HPS6: variants seen among roughly 807,000 people sequenced by gnomAD.
HPS6 encodes the protein BLOC-2 complex member HPS6.
HPS6 carries 46 observed loss-of-function variants against 53.6 expected under a neutral mutation model. The observed-to-expected ratio is 0.86, with a 90% CI of 0.68 to 1.10. The LOEUF (loss-of-function observed/expected upper bound fraction) is 1.10, where lower values mean the gene tolerates loss of function less well. HPS6 is among the 50% of genes least tolerant of loss of function. The pLI, the probability that HPS6 is intolerant of heterozygous loss-of-function variation, is 0.00. For missense variants in HPS6, 1,034 were observed against 991.3 expected (o/e 1.04, Z -0.58); for synonymous variants, 535 against 470.8 (o/e 1.14, Z -1.77).
Position 102,067,863 on chromosome 10 carries a change from T to G in HPS6, c.*61T>G. The G allele has an allele frequency of 6.4e-7, 1 of 1,559,364 alleles. No individual in the cohort carries two copies. The highest frequency in any genetic ancestry group is 8.8e-7 in the Non-Finnish European group (1 of 1,131,176). On this transcript the variant is annotated 3_prime_UTR_variant, in exon 1 of 1. Coordinates refer to ENST00000299238, the MANE Select transcript of HPS6 (RefSeq NM_024747.6). The stretch of plus-strand genomic sequence containing the variant: ...GGCTTGCTTGGGACTGGAGGCTTGC[T>G]TGGACAGTTCCTCTGTGTCACTGAC...
rs977062776 is a variant in HPS6, at chr10:102,065,506, C to G, written c.32C>G (p.Ser11Trp). The G allele has an allele frequency of 3.9e-6, 6 of 1,556,802 alleles. No homozygotes were observed. Among genetic ancestry groups the G allele is most frequent in the African/African-American group, 1.4e-5 (1 of 71,060 alleles). Reference sequence around the variant, plus strand: ...CGCTCGGGGACTCTGCGGCTGCTCTCGGACCTGAGCGCCTTCGGCGGCGCG... The same window carrying G: ...CGCTCGGGGACTCTGCGGCTGCTCTGGGACCTGAGCGCCTTCGGCGGCGCG... MKRSGTLRLLSDLSAFGGAAR... is the reference protein window; with the variant it reads MKRSGTLRLLWDLSAFGGAAR... Residue 11 changes from serine (S) to tryptophan (W), a missense_variant, in exon 1 of 1, where the codon TCG becomes TGG. Coordinates refer to ENST00000299238, the MANE Select transcript of HPS6 (RefSeq NM_024747.6).
rs2067975720 is a variant in HPS6, at chr10:102,066,941, A to G, written c.1467A>G (p.Glu489=). The change falls in exon 1 of 1, where the codon GAA becomes GAG. Residue 489 remains glutamate (E), a synonymous_variant. Coordinates refer to ENST00000299238, the MANE Select transcript of HPS6 (RefSeq NM_024747.6). ...GTTGGACTGAGCTGGCGGAGCAGGA[A>G]GTGGCACGCCTGCTGAGGACTGAGT... is the stretch of plus-strand genomic sequence containing the variant. ...EAGWTELAEQ[E]VARLLRTELI... is the part of the protein sequence containing the mutation. The G allele has an allele frequency of 6.2e-7, 1 of 1,614,170 alleles. No individual in the cohort carries two copies. The highest frequency in any genetic ancestry group is 8.5e-7 in the Non-Finnish European group (1 of 1,180,022).
rs543325519 is a variant in HPS6, at chr10:102,067,619, G to C, written c.2145G>C (p.Glu715Asp). The C allele has an allele frequency of 9.2e-5, 148 of 1,613,930 alleles. 2 individuals carry two copies. In the South Asian group the frequency reaches 1.5e-3, roughly 17 times the overall value. Residue 715 changes from glutamate to aspartate, a missense_variant, in exon 1 of 1, where the codon GAG becomes GAC. Coordinates refer to ENST00000299238, the MANE Select transcript of HPS6 (RefSeq NM_024747.6). ...TACTGAGGACATACCTCCCAGATGA[G>C]GTGGGGCCCCCAACCCCATTCCCTG... ...LLLLRTYLPD[E>D]VGPPTPFPEP...
Position 102,066,665 on chromosome 10 carries a change from T to C in HPS6, c.1191T>C (p.Pro397=). The C allele has an allele frequency of 6.2e-7, 1 of 1,613,912 alleles. No individual in the cohort carries two copies. The highest frequency in any genetic ancestry group is 8.5e-7 in the Non-Finnish European group (1 of 1,180,030). ...GWEAPQGVEL[P]SAKDLVFEEA... ...AAGCCCCACAGGGTGTTGAGTTGCC[T>C]TCAGCCAAGGATCTGGTGTTTGAGG... is the stretch of plus-strand genomic sequence containing the variant. The change falls in exon 1 of 1, where the codon CCT becomes CCC. Residue 397 remains proline (P), a synonymous_variant. Coordinates refer to ENST00000299238, the MANE Select transcript of HPS6 (RefSeq NM_024747.6).
chr10:102,065,660 GCCC>G lies in HPS6; in HGVS notation c.187_189del (p.Pro63del). On this transcript the variant is annotated inframe_deletion, in exon 1 of 1. Coordinates refer to ENST00000299238, the MANE Select transcript of HPS6 (RefSeq NM_024747.6). ...CACAGCTGCTAGTCGCGTCGCGAGG[GCCC>G]GGCGCGGAGCTAGAGCGGGCCTGGC... 1 of 1,536,458 alleles carries G rather than the reference GCCC, an allele frequency of 6.5e-7. No individual in the cohort carries two copies. The highest frequency in any genetic ancestry group is 8.7e-7 in the Non-Finnish European group (1 of 1,152,432).
Position 102,066,240 on chromosome 10 carries a change from C to G in HPS6, c.766C>G (p.Arg256Gly), listed in dbSNP as rs2067969080. The G allele has an allele frequency of 1.9e-6, 3 of 1,613,918 alleles. No homozygotes were observed. Among genetic ancestry groups the G allele is most frequent in the Non-Finnish European group, 2.5e-6 (3 of 1,180,026 alleles). The change falls in exon 1 of 1, where the codon CGA (arginine) becomes GGA (glycine). Residue 256 changes from arginine to glycine, a missense_variant. Transcript: ENST00000299238. ...CACATGGGACTTCCGGACCCTGCTCCGAGGCCTTCCTGGGTTGCTGTCCCC... is the reference window on the plus strand; with the variant it reads ...CACATGGGACTTCCGGACCCTGCTCGGAGGCCTTCCTGGGTTGCTGTCCCC... ...GDTWDFRTLL[R>G]GLPGLLSPRE...
chr10:102,066,616 T>G lies in HPS6; in HGVS notation c.1142T>G (p.Leu381Trp). 6.2e-7 allele frequency: 1 copy of G among 1,613,968 alleles called. No individual in the cohort carries two copies. The highest frequency in any genetic ancestry group is 1.7e-5 in the Admixed American group (1 of 60,032). ...TRGNLRLLSA[L>W]GLFCVGWEAP... ...GGGAATCTTCGTCTGCTTTCAGCCT[T>G]GGGTCTGTTTTGTGTGGGCTGGGAA... The change falls in exon 1 of 1, where the codon TTG becomes TGG. Residue 381 changes from leucine (L) to tryptophan (W), a missense_variant. Physicochemically the swap from Leu to Trp is moderately conservative, Grantham distance 61 (BLOSUM62 -2). Transcript: ENST00000299238.
chr10:102,065,368 G>A lies in HPS6; in HGVS notation c.-107G>A, dbSNP rs1395752264. The A allele has an allele frequency of 1.7e-6, 2 of 1,197,892 alleles. No homozygotes were observed. Among genetic ancestry groups the A allele is most frequent in the Non-Finnish European group, 2.2e-6 (2 of 888,990 alleles). The allele number at this position is 1,197,892 out of a possible 1,614,324, so 74.2% of individuals were successfully genotyped here. ...CCCGGCCTCTGCTCACCTCATCCAC[G>A]GGAGACGGAAGTCTTGGCCCTGCTC... On this transcript the variant is annotated 5_prime_UTR_variant, in exon 1 of 1. Transcript: ENST00000299238.
chr10:102,066,492 G>A lies in HPS6; in HGVS notation c.1018G>A (p.Gly340Arg), dbSNP rs1172827931. The A allele has an allele frequency of 6.2e-7, 1 of 1,614,230 alleles. No individual in the cohort carries two copies. Among genetic ancestry groups the A allele is most frequent in the Non-Finnish European group, 8.5e-7 (1 of 1,180,036 alleles). Residue 340 changes from glycine to arginine, a missense_variant, in exon 1 of 1, where the codon GGG (glycine) becomes AGG (arginine). Gly to Arg is a moderately radical substitution (Grantham distance 125). Coordinates refer to ENST00000299238, the MANE Select transcript of HPS6 (RefSeq NM_024747.6). ...STLELLDMGS[G>R]QLLERKVLST... ...ATTGGAACTGCTGGACATGGGCAGTGGGCAGCTGCTGGAGAGGAAGGTCCT... is the reference window on the plus strand; with the variant it reads ...ATTGGAACTGCTGGACATGGGCAGTAGGCAGCTGCTGGAGAGGAAGGTCCT...
In HPS6 at chr10:102,066,946, C is replaced by T. The variant is rs777080234; in HGVS notation, c.1472C>T (p.Ala491Val). The change falls in exon 1 of 1, where the codon GCA (alanine) becomes GTA (valine). Residue 491 changes from alanine (A) to valine (V), a missense_variant. Coordinates refer to ENST00000299238, the MANE Select transcript of HPS6 (RefSeq NM_024747.6). ...GWTELAEQEV[A>V]RLLRTELIGD... ...ACTGAGCTGGCGGAGCAGGAAGTGG[C>T]ACGCCTGCTGAGGACTGAGTTGATA... 2.5e-6 allele frequency: 4 copies of T among 1,614,170 alleles called. No individual in the cohort carries two copies. In the Admixed American group the frequency reaches 5.0e-5, roughly 20 times the overall value.
chr10:102,065,801 G>A lies in HPS6; in HGVS notation c.327G>A (p.Gly109=), dbSNP rs1357003656. ...CCGAGGTGTGGGGCGCGGGCGTGGG[G>A]CCTGGCTGGCGGCCGCTGCAGAGCA... ...GLAEVWGAGV[G]PGWRPLQSTE... Residue 109 remains glycine (G), a synonymous_variant, in exon 1 of 1, where the codon GGG becomes GGA. Coordinates refer to ENST00000299238, the MANE Select transcript of HPS6 (RefSeq NM_024747.6). 24 of 1,488,606 alleles carry A rather than the reference G, an allele frequency of 1.6e-5. No homozygotes were observed. In the East Asian group the frequency reaches 6.1e-4, roughly 38 times the overall value. The allele number at this position is 1,488,606 out of a possible 1,614,324, so 92.2% of individuals were successfully genotyped here. A position where few individuals can be genotyped will look rare whatever the true frequency, so the allele number is the denominator to read the frequency against.
In HPS6 at chr10:102,066,373, C is replaced by A. The variant is rs769588444; in HGVS notation, c.899C>A (p.Ala300Asp). Residue 300 changes from alanine (A) to aspartate (D), a missense_variant, in exon 1 of 1, where the codon GCT becomes GAT. Coordinates refer to ENST00000299238, the MANE Select transcript of HPS6 (RefSeq NM_024747.6). ...TTGCAGTCCCACGGTGGTACGCGGG[C>A]TGTGGGCACCCTGCAGGAGGCACCT... ...SLLQSHGGTR[A>D]VGTLQEAPVG... The A allele has an allele frequency of 2.1e-5, 34 of 1,613,898 alleles. No individual in the cohort carries two copies. In the Admixed American group the frequency reaches 5.5e-4, roughly 26 times the overall value.
In HPS6 at chr10:102,067,138, A is replaced by G. The variant is rs1367693611; in HGVS notation, c.1664A>G (p.Lys555Arg). ...KKVLGGITAG[K>R]EPPNGILPPF... is the part of the protein sequence containing the mutation. ...GTGTTAGGGGGAATAACCGCTGGAA[A>G]GGAACCCCCCAATGGAATACTGCCC... Residue 555 changes from lysine (K) to arginine (R), a missense_variant, in exon 1 of 1, where the codon AAG becomes AGG. Coordinates refer to ENST00000299238, the MANE Select transcript of HPS6 (RefSeq NM_024747.6). The G allele has an allele frequency of 1.9e-6, 3 of 1,614,022 alleles. No individual in the cohort carries two copies. The highest frequency in any genetic ancestry group is 2.2e-5 in the South Asian group (2 of 91,088).
rs148245209 is a variant in HPS6 at position 102,066,846 on chromosome 10, G to A, written c.1372G>A (p.Glu458Lys). 6.2e-6 allele frequency: 10 copies of A among 1,614,214 alleles called. No homozygotes were observed. The highest frequency in any genetic ancestry group is 3.3e-5 in the Admixed American group (2 of 60,030). ...TGCACTGCTGACCATGTTGAGGACC[G>A]AGCTTCGGGATTACCGAGGCTTAGA... ...PSALLTMLRT[E>K]LRDYRGLEQL... The change falls in exon 1 of 1, where the codon GAG (glutamate) becomes AAG (lysine). Residue 458 changes from glutamate to lysine, a missense_variant. By Grantham distance (56) the Glu-to-Lys change is moderately conservative (BLOSUM62 1). Coordinates refer to ENST00000299238, the MANE Select transcript of HPS6 (RefSeq NM_024747.6).
In HPS6 at chr10:102,067,898, C is replaced by A. The variant is rs557853604; in HGVS notation, c.*96C>A. ...CCTCTGTGTCACTGACACAGGAAAT[C>A]ATTTCTAGGACACAGTGATCAGGGA... is the stretch of plus-strand genomic sequence containing the variant. On this transcript the variant is annotated 3_prime_UTR_variant, in exon 1 of 1. Transcript: ENST00000299238. 38 of 1,416,632 alleles carry A rather than the reference C, an allele frequency of 2.7e-5. No homozygotes were observed. The East Asian group carries it at 8.4e-4, about 31-fold the overall frequency. The allele number at this position is 1,416,632 out of a possible 1,614,324, so 87.8% of individuals were successfully genotyped here. A position where few individuals can be genotyped will look rare whatever the true frequency, so the allele number is the denominator to read the frequency against.
chr10:102,066,240 C>T lies in HPS6; in HGVS notation c.766C>T (p.Arg256Ter), dbSNP rs2067969080. The change falls in exon 1 of 1, where the codon CGA becomes TGA. Residue 256 changes from arginine (R) to a stop codon, truncating the protein, a stop_gained. Coordinates refer to ENST00000299238, the MANE Select transcript of HPS6 (RefSeq NM_024747.6). LOFTEE classifies it high-confidence loss of function. ...GDTWDFRTLL[R>*]GLPGLLSPRE... ...CACATGGGACTTCCGGACCCTGCTC[C>T]GAGGCCTTCCTGGGTTGCTGTCCCC... 2 of 1,613,918 alleles carry T rather than the reference C, an allele frequency of 1.2e-6. No homozygotes were observed. The highest frequency in any genetic ancestry group is 1.3e-5 in the African/African-American group (1 of 75,054).
At position 102,066,110 on chromosome 10, in the gene HPS6, G is replaced by A. The variant is rs758596066; in HGVS notation, c.636G>A (p.Val212=). 1 of 1,613,534 alleles carries A rather than the reference G, an allele frequency of 6.2e-7. No individual in the cohort carries two copies. Among genetic ancestry groups the A allele is most frequent in the Non-Finnish European group, 8.5e-7 (1 of 1,180,034 alleles). ...CCACTGCCACCACCTGGCCTGGCGT[G>A]GCCCACGTTCTACTCATCTGGAGCC... is the stretch of plus-strand genomic sequence containing the variant. ...LVPTATTWPG[V]AHVLLIWSPG... The change falls in exon 1 of 1, where the codon GTG becomes GTA. Residue 212 remains valine (V), a synonymous_variant. Coordinates refer to ENST00000299238, the MANE Select transcript of HPS6 (RefSeq NM_024747.6).
rs1450101908 is a variant in HPS6 at position 102,065,919 on chromosome 10, G to T, written c.445G>T (p.Glu149Ter). 1 of 1,552,100 alleles carries T rather than the reference G, an allele frequency of 6.4e-7. No homozygotes were observed. Among genetic ancestry groups the T allele is most frequent in the Non-Finnish European group, 8.6e-7 (1 of 1,157,864 alleles). Residue 149 changes from glutamate (E) to a stop codon, truncating the protein, a stop_gained, in exon 1 of 1, where the codon GAG (glutamate) becomes TAG (stop). Transcript: ENST00000299238. LOFTEE classifies it high-confidence loss of function. ...GTGCGAGGAGCGGCAGGCCCGGGCC[G>T]AGGGCCCGTCAGGGTCGCCAGCAGC... ...VWCEERQARA[E>*]GPSGSPAAAF...
In HPS6 at chr10:102,067,158, C is replaced by A. The variant is rs1564899818; in HGVS notation, c.1684C>A (p.Leu562Met). The change falls in exon 1 of 1, where the codon CTG (leucine) becomes ATG (methionine). Residue 562 changes from leucine to methionine, a missense_variant. Coordinates refer to ENST00000299238, the MANE Select transcript of HPS6 (RefSeq NM_024747.6). ...TAGKEPPNGI[L>M]PPFELLCQCL... ...TGGAAAGGAACCCCCCAATGGAATA[C>A]TGCCCCCCTTTGAACTCCTGTGCCA... The A allele has an allele frequency of 6.2e-7, 1 of 1,613,766 alleles. No homozygotes were observed. Among genetic ancestry groups the A allele is most frequent in the Non-Finnish European group, 8.5e-7 (1 of 1,180,028 alleles).
Sources: allele counts gnomAD v4.1 joint callset, GRCh38; gene constraint gnomAD v4.1.1; transcripts MANE v1.5; gene names NCBI Gene and HGNC (gene_info 2026-07-23, HGNC 2026-07-21).